Variants in SMURF1 observed in about 807,000 individuals in gnomAD.
The protein encoded by SMURF1 is E3 ubiquitin-protein ligase SMURF1.
In SMURF1, 44 loss-of-function variants were observed where a neutral mutation model predicts 98.0. That is an observed-to-expected ratio of 0.45 (90% CI 0.35 to 0.58). The LOEUF (loss-of-function observed/expected upper bound fraction) is 0.58. SMURF1 is among the 20% of genes least tolerant of loss of function. The probability of loss-of-function intolerance (pLI) is 0.00; values close to 1 mark genes in which losing one functional copy is unlikely to be tolerated. For missense variants in SMURF1, 687 were observed against 938.4 expected, an observed-to-expected ratio of 0.73 and a Z score of 3.50; for synonymous variants, 396 against 374.9, an observed-to-expected ratio of 1.06 and a Z score of -0.65.
chr7:99,091,124 C>T (rs1796800918), intron 1 of SMURF1, among the ~76,000 whole-genome samples: 1 of 152,222 alleles, frequency 6.6e-6, no homozygotes, highest in Non-Finnish European at 1.5e-5. Flanking sequence ...CCAGCCTCTA[C>T]TCCAGATGTA....
intron 1 of SMURF1, among the ~76,000 whole-genome samples, chr7:99,116,157 T>C (rs575415529): frequency 6.6e-5 from 10 of 152,238 alleles, no homozygotes; most frequent in Non-Finnish European, 1.3e-4. Flanking sequence ...TAATATGCCA[T>C]GTTAATCGAA....
chr7:99,112,866 A>G (rs1797353524), intron 1 of SMURF1, among the ~76,000 whole-genome samples: 1 of 152,208 alleles, frequency 6.6e-6, no homozygotes, highest in Non-Finnish European at 1.5e-5. Flanking sequence ...AAAGTACAAT[A>G]ATGTAAATTA....
chr7:99,042,078 T>C (rs772611251), intron 12 of SMURF1, 40 bp downstream of exon 12: 3 of 1,505,260 alleles, frequency 2.0e-6, no homozygotes. Context: ...TCAAAACTTC[T>C]CCAACTCAAT....
In SMURF1 at chr7:99,056,185, G is replaced by C. The variant is rs548318090; in HGVS notation, c.403+1020C>G. On this transcript the variant is annotated intron_variant, in intron 5 of 17. Transcript: ENST00000361368. Reference sequence around the variant, plus strand: ...TTTTCATGATGGTAGATTTCAGGGTGTATGTCTGCACTATTCATTTATCTT... The same window carrying C: ...TTTTCATGATGGTAGATTTCAGGGTCTATGTCTGCACTATTCATTTATCTT... Among the ~76,000 whole-genome samples the C allele has an allele frequency of 4.6e-5, 7 of 152,314 alleles. No homozygotes were observed. In the South Asian group the frequency reaches 1.4e-3, roughly 32 times the overall value.
chr7:99,130,730 C>A (rs548936564), intron 1 of SMURF1, among the ~76,000 whole-genome samples: 2 of 152,126 alleles, frequency 1.3e-5, no homozygotes, highest in Non-Finnish European at 2.9e-5. Flanking sequence ...AGAAAACAAT[C>A]GGTATCATCT....
rs2150665868 is a variant in SMURF1 at position 99,143,855 on chromosome 7, G to GCCGCCT, written c.-81_-76dup. ...CCCGGCCCGGCCCGGCCCCGCCGCC[G>GCCGCCT]CCGCCTCAAGGTTACGGCTCCGGGC... On this transcript the variant is annotated 5_prime_UTR_variant, in exon 1 of 18. Coordinates refer to ENST00000361368, the MANE Select transcript of SMURF1 (RefSeq NM_181349.3). 2 of 1,359,648 alleles carry GCCGCCT rather than the reference G, an allele frequency of 1.5e-6. No homozygotes were observed. Among genetic ancestry groups the GCCGCCT allele is most frequent in the East Asian group, 6.4e-5 (2 of 31,162 alleles). The allele number at this position is 1,359,648 out of a possible 1,614,324, so 84.2% of individuals were successfully genotyped here. A position where few individuals can be genotyped will look rare whatever the true frequency, so the allele number is the denominator to read the frequency against.
In SMURF1 at chr7:99,067,955, C is replaced by G. The variant is rs139852353; in HGVS notation, c.56-6118G>C. Among the ~76,000 whole-genome samples, 863 of 152,120 alleles carry G rather than the reference C, an allele frequency of 5.7e-3. 9 individuals are homozygous for G. Among genetic ancestry groups the G allele is most frequent in the African/African-American group, 0.019 (803 of 41,500 alleles). ...GGCGACAGAACGAGACTATCCCCCC[C>G]ACCAAAAAAATACTACTTGTGGTTT... is the stretch of plus-strand genomic sequence containing the variant. On this transcript the variant is annotated intron_variant, in intron 1 of 17. Coordinates refer to ENST00000361368, the MANE Select transcript of SMURF1 (RefSeq NM_181349.3).
At position 99,057,419 on chromosome 7, in the gene SMURF1, T is replaced by A; in HGVS notation, c.336A>T (p.Gly112=). The change falls in exon 4 of 18, where the codon GGA becomes GGT. Residue 112 remains glycine, a splice_region_variant and synonymous_variant. Coordinates refer to ENST00000361368, the MANE Select transcript of SMURF1 (RefSeq NM_181349.3). ...GGCAGGAAAGTGTTTGGTTCTTACA[T>A]CCGGTATCTTTTAATCTGCTGATGG... ...SNAISRLKDT[G]YQRLDLCKLN... 6.2e-7 allele frequency: 1 copy of A among 1,612,120 alleles called. No homozygotes were observed. Among genetic ancestry groups the A allele is most frequent in the Non-Finnish European group, 8.5e-7 (1 of 1,179,594 alleles).
intron 1 of SMURF1, among the ~76,000 whole-genome samples, chr7:99,063,392 TA>T (rs1796113353): frequency 6.8e-6 from 1 of 146,110 alleles, no homozygotes; most frequent in Admixed American, 6.9e-5. Context: ...CCTTGGGCTC[TA>T]GGGATCCTCC....
chr7:99,043,573 C>T (rs919388606), intron 11 of SMURF1, among the ~76,000 whole-genome samples: 13 of 152,298 alleles, frequency 8.5e-5, no homozygotes, highest in African/African-American at 2.6e-4. Context: ...CAGACCAAAC[C>T]AGGGAGTCCG....
At chr7:99,067,505 C>T (rs994762835) in intron 1 of SMURF1, among the ~76,000 whole-genome samples, 2 of 152,078 alleles carry the variant, frequency 1.3e-5, no homozygotes, top group Non-Finnish European at 2.9e-5. Context: ...AATCACATCC[C>T]GTAGTTTTCC....
At chr7:99,051,290 A>G in intron 8 of SMURF1, 67 bp downstream of exon 8, 1 of 1,196,298 alleles carries the variant, frequency 8.4e-7, no homozygotes, top group Non-Finnish European at 1.3e-6. Flanking sequence ...ACACATCTGG[A>G]AGGTATTGGC....
At position 99,051,415 on chromosome 7, in the gene SMURF1, C is replaced by T; in HGVS notation, c.748G>A (p.Val250Ile). 1 of 1,614,106 alleles carries T rather than the reference C, an allele frequency of 6.2e-7. No individual in the cohort carries two copies. The highest frequency in any genetic ancestry group is 8.5e-7 in the Non-Finnish European group (1 of 1,180,006). Reference sequence around the variant, plus strand: ...CCAGTCTGTGTATGCAAAAAGTAAACTTGGCCCTGGACTGTTGTTCTTTGT... The same window carrying T: ...CCAGTCTGTGTATGCAAAAAGTAAATTTGGCCCTGGACTGTTGTTCTTTGT... ...YEQRTTVQGQ[V>I]YFLHTQTGVS... is the part of the protein sequence containing the mutation. The change falls in exon 8 of 18, where the codon GTT (valine) becomes ATT (isoleucine). Residue 250 changes from valine (V) to isoleucine (I), a missense_variant. Val to Ile is a conservative substitution (Grantham distance 29). Transcript: ENST00000361368.
intron 1 of SMURF1, among the ~76,000 whole-genome samples, chr7:99,117,745 G>T (rs1797492343): frequency 6.6e-6 from 1 of 152,008 alleles, no homozygotes; most frequent in Non-Finnish European, 1.5e-5. Context: ...CATAAAATGG[G>T]AGAAAATATT....
intron 1 of SMURF1, among the ~76,000 whole-genome samples, chr7:99,115,446 A>G (rs56026025): frequency 4.5e-4 from 69 of 152,210 alleles, no homozygotes; most frequent in Non-Finnish European, 6.9e-4. Flanking sequence ...GACAAAAATT[A>G]GCTGGGTGTG....
chr7:99,059,358 A>T (rs953265006), intron 3 of SMURF1, among the ~76,000 whole-genome samples: 2 of 147,970 alleles, frequency 1.4e-5, no homozygotes, highest in African/African-American at 2.5e-5. Context: ...AGATCCCGCC[A>T]CTGCACTCCA....
chr7:99,067,131 G>A (rs1796214113), intron 1 of SMURF1, among the ~76,000 whole-genome samples: 1 of 151,636 alleles, frequency 6.6e-6, no homozygotes, highest in South Asian at 2.1e-4. Flanking sequence ...GAGTAGCTGG[G>A]ATTACAGGCA....
intron 1 of SMURF1, among the ~76,000 whole-genome samples, chr7:99,064,658 A>G (rs568257847): frequency 7.9e-5 from 12 of 152,306 alleles, no homozygotes; most frequent in African/African-American, 2.9e-4. Flanking sequence ...CTTGTTTGTA[A>G]TATTCCTTGA....
intron 8 of SMURF1, chr7:99,049,938 C>T (rs915580232): frequency 2.1e-5 from 9 of 420,878 alleles, no homozygotes; most frequent in African/African-American, 8.1e-5. Flanking sequence ...TCAGGCTGGG[C>T]GCGGTAGCTC....
Sources: allele counts gnomAD v4.1 joint callset (sites outside exome capture counted in the v4.1 genomes callset), GRCh38; gene constraint gnomAD v4.1.1; transcripts MANE v1.5; gene names NCBI Gene and HGNC (gene_info 2026-07-23, HGNC 2026-07-21).